Variants in COQ5 observed in about 807,000 individuals in gnomAD.
The protein encoded by COQ5 is coenzyme Q5, methyltransferase, also known as 2-methoxy-6-polyprenyl-1,4-benzoquinol methylase, mitochondrial.
Under a neutral mutation model 40.5 loss-of-function variants are expected in COQ5, and 27 were observed. The ratio of observed to expected loss-of-function variants is 0.67; its 90% CI spans 0.49 to 0.92. COQ5 has a LOEUF of 0.92. Ranked by LOEUF, COQ5 falls within the 40% of genes least tolerant of loss-of-function variation. COQ5 has a pLI of 0.00. For synonymous variants in COQ5, 141 were observed against 150.0 expected (o/e 0.94, Z 0.44); for missense variants, 409 against 406.4 (o/e 1.01, Z -0.06).
chr12:120,514,535 G>A (rs1026519099), intron 3 of COQ5, among the ~76,000 whole-genome samples: 1 of 151,932 alleles, frequency 6.6e-6, no homozygotes, highest in East Asian at 1.9e-4. Context: ...GAGACCAGGA[G>A]TTCGAGACCA....
intron 3 of COQ5, among the ~76,000 whole-genome samples, chr12:120,512,545 A>G (rs1044934786): frequency 3.9e-5 from 6 of 152,122 alleles, no homozygotes; most frequent in African/African-American, 1.2e-4. Context: ...GGTTGCAGTG[A>G]GCTGAGATCG....
At chr12:120,526,857 G>A in intron 1 of COQ5, 1 of 162,326 alleles carries the variant, frequency 6.2e-6, no homozygotes. Flanking sequence ...TGGGACTACA[G>A]GCGCCCGCCA....
At chr12:120,520,607 A>C (rs945105487) in intron 2 of COQ5, among the ~76,000 whole-genome samples, 1 of 151,916 alleles carries the variant, frequency 6.6e-6, no homozygotes, top group Non-Finnish European at 1.5e-5. Context: ...TACAGGCATG[A>C]GCCACCACAC....
chr12:120,518,552 TTTTTA>T (rs896930365), intron 2 of COQ5, among the ~76,000 whole-genome samples: 72 of 151,890 alleles, frequency 4.7e-4, no homozygotes, highest in African/African-American at 1.6e-3. Flanking sequence ...CTCCAGTCAT[TTTTTA>T]TTTTATATCT....
intron 3 of COQ5, among the ~76,000 whole-genome samples, chr12:120,514,015 G>C (rs1381735111): frequency 6.6e-6 from 1 of 152,112 alleles, no homozygotes; most frequent in Admixed American, 6.6e-5. Context: ...TCGACGGGCA[G>C]GCTATGCAAT....
At chr12:120,504,251 G>A (rs745633628) in intron 5 of COQ5, among the ~76,000 whole-genome samples, 170 bp from the exon 6 acceptor site, 7 of 152,028 alleles carry the variant, frequency 4.6e-5, no homozygotes, top group Non-Finnish European at 8.8e-5. Context: ...AGTGCTGACA[G>A]GTACAGTTAG....
At position 120,503,569 on chromosome 12, in the gene COQ5, G is replaced by A. The variant is rs532542097; in HGVS notation, c.*215C>T. 1 of 665,576 alleles carries A rather than the reference G, an allele frequency of 1.5e-6. No individual in the cohort carries two copies. The allele number at this position is 665,576 out of a possible 1,614,324, so 41.2% of individuals were successfully genotyped here. On this transcript the variant is annotated 3_prime_UTR_variant, in exon 7 of 7. Transcript: ENST00000288532. ...AGTTGAGCAAAGATACAGACCAAATGCCTCTGGGAGATGGACTGAAGCAGC... is the reference window on the plus strand; with the variant it reads ...AGTTGAGCAAAGATACAGACCAAATACCTCTGGGAGATGGACTGAAGCAGC...
intron 1 of COQ5, among the ~76,000 whole-genome samples, chr12:120,524,482 G>T (rs972927044): frequency 6.6e-6 from 1 of 151,942 alleles, no homozygotes; most frequent in Non-Finnish European, 1.5e-5. Flanking sequence ...GGATGGTCTC[G>T]ATCTCCTGAC....
intron 3 of COQ5, among the ~76,000 whole-genome samples, chr12:120,514,751 C>CAACAACAA (rs1869303126): frequency 6.6e-6 from 1 of 150,558 alleles, no homozygotes; most frequent in Admixed American, 6.6e-5. Context: ...TCAGAAACAA[C>CAACAACAA]AACAACAACA....
At chr12:120,510,201 G>T in intron 3 of COQ5, 78 bp from the exon 4 acceptor site, 1 of 1,161,416 alleles carries the variant, frequency 8.6e-7, no homozygotes, top group Non-Finnish European at 1.3e-6. Context: ...TTCATGTAGA[G>T]CATTGAGCTG....
chr12:120,507,473 C>CG (rs1169789211), intron 4 of COQ5, among the ~76,000 whole-genome samples: 1 of 148,876 alleles, frequency 6.7e-6, no homozygotes, highest in Non-Finnish European at 1.5e-5. Flanking sequence ...TTAGTAGAGA[C>CG]GGGGTTTTCA....
chr12:120,515,500 G>A (rs1054708538), intron 3 of COQ5, among the ~76,000 whole-genome samples: 2 of 152,144 alleles, frequency 1.3e-5, no homozygotes, highest in African/African-American at 4.8e-5. Context: ...TACCACAGTG[G>A]GGAAGTGTGA....
intron 4 of COQ5, among the ~76,000 whole-genome samples, chr12:120,507,038 T>G (rs1868914636): frequency 6.6e-6 from 1 of 152,128 alleles, no homozygotes; most frequent in Non-Finnish European, 1.5e-5. Flanking sequence ...TTCACCATGT[T>G]GGCCAGGCTG....
At position 120,523,022 on chromosome 12, in the gene COQ5, A is replaced by G. The variant is rs1383822673; in HGVS notation, c.203-659T>C. ...TCAGGAACTTGGGGTCCACTCCCTT[A>G]AGAGATTCTTATAAAAAAAAAAGAG... On this transcript the variant is annotated intron_variant, in intron 1 of 6. Coordinates refer to ENST00000288532, the MANE Select transcript of COQ5 (RefSeq NM_032314.4). 7.4e-5 allele frequency: 38 copies of G among 510,176 alleles called. No homozygotes were observed. In the East Asian group the frequency reaches 1.1e-3, roughly 15 times the overall value. The allele number at this position is 510,176 out of a possible 1,614,324, so 31.6% of individuals were successfully genotyped here.
chr12:120,517,184 A>AT (rs1055956152), intron 2 of COQ5, among the ~76,000 whole-genome samples: 5 of 150,940 alleles, frequency 3.3e-5, no homozygotes, highest in South Asian at 2.1e-4. Context: ...CCGTCTCTAC[A>AT]TTTTTAAAAA....
chr12:120,504,807 C>G (rs1193598354), intron 5 of COQ5, 88 bp downstream of exon 5: 15 of 1,123,042 alleles, frequency 1.3e-5, no homozygotes, highest in Non-Finnish European at 1.9e-5. Context: ...AAAGTTCATG[C>G]TTATAGCTTA....
intron 4 of COQ5, among the ~76,000 whole-genome samples, chr12:120,506,887 G>A (rs1333497303): frequency 1.3e-5 from 2 of 151,900 alleles, no homozygotes; most frequent in Non-Finnish European, 2.9e-5. Context: ...AGGCTGGAGG[G>A]CAGTGGCACA....
At chr12:120,520,733 T>C (rs1869607128) in intron 2 of COQ5, among the ~76,000 whole-genome samples, 1 of 151,976 alleles carries the variant, frequency 6.6e-6, no homozygotes, top group Admixed American at 6.6e-5. Flanking sequence ...GCTACGATTA[T>C]AGGCGTGAGC....
intron 3 of COQ5, among the ~76,000 whole-genome samples, chr12:120,515,042 C>A (rs1000226772): frequency 4.6e-5 from 7 of 152,074 alleles, no homozygotes; most frequent in South Asian, 2.1e-4. Flanking sequence ...TCCACCCCCC[C>A]TCGGCCTCCC....
Sources: gnomAD v4.1 joint callset for allele counts (sites outside exome capture counted in the v4.1 genomes callset) on GRCh38, gnomAD v4.1.1 for gene constraint, MANE v1.5 for transcripts, NCBI Gene and HGNC (gene_info 2026-07-23, HGNC 2026-07-21) for gene names.